Variants in PPP4R3B observed in about 807,000 individuals in gnomAD.
The protein encoded by PPP4R3B is serine/threonine-protein phosphatase 4 regulatory subunit 3B.
Under a neutral mutation model 95.4 loss-of-function variants are expected in PPP4R3B, and 52 were observed. The observed-to-expected ratio is 0.54, with a 90% confidence interval of 0.44 to 0.69. The LOEUF (loss-of-function observed/expected upper bound fraction) is 0.69, where lower values mean the gene tolerates loss of function less well. Among genes scored for constraint, PPP4R3B ranks in the 30% least tolerant of loss-of-function variants. PPP4R3B has a pLI of 0.00. For synonymous variants in PPP4R3B, 407 were observed against 343.9 expected, an observed-to-expected ratio of 1.18 and a Z score of -2.03; for missense variants, 1,003 against 1,005.9, an observed-to-expected ratio of 1.00 and a Z score of 0.04.
intron 2 of PPP4R3B, among the ~76,000 whole-genome samples, chr2:55,610,671 T>C (rs527663009): frequency 2.6e-4 from 40 of 152,344 alleles, no homozygotes; most frequent in Middle Eastern, 3.4e-3. Flanking sequence ...TTTCTGTACC[T>C]TTGTTGCCTC....
intron 12 of PPP4R3B, among the ~76,000 whole-genome samples, chr2:55,572,855 C>G (rs4290693): frequency 0.45 from 67,779 of 151,874 alleles, 15,978 homozygotes; most frequent in Non-Finnish European, 0.52. Flanking sequence ...AAGAGCCATA[C>G]TATAAAATCT....
Position 55,549,941 on chromosome 2 carries a change from GGAC to G in PPP4R3B, c.2517_2519del (p.Ser840del), listed in dbSNP as rs563944037. The G allele has an allele frequency of 5.4e-4, 865 of 1,613,250 alleles. 8 individuals are homozygous for G. In the South Asian group the frequency reaches 8.9e-3, roughly 17 times the overall value. On this transcript the variant is annotated inframe_deletion, in exon 17 of 17. Transcript: ENST00000616407. ...AGCCAAGACGAGGTCTTTTCCTGGG[GGAC>G]GATTCTTCTTCTTCATCTTCCTCTT...
At position 55,573,719 on chromosome 2, in the gene PPP4R3B, C is replaced by A; in HGVS notation, c.1665G>T (p.Val555=). The change falls in exon 12 of 17, where the codon GTG becomes GTT. Residue 555 remains valine (V), a synonymous_variant. Coordinates refer to ENST00000616407, the MANE Select transcript of PPP4R3B (RefSeq NM_001122964.3). ...TTTTTATGTGATATGTGTGATGTTC[C>A]ACACAAAATGTGAGTAACTCTAAAA... ...ALILELLTFC[V]EHHTYHIKNY... is the part of the protein sequence containing the mutation. The A allele has an allele frequency of 1.9e-6, 3 of 1,543,040 alleles. No homozygotes were observed. The highest frequency in any genetic ancestry group is 2.6e-6 in the Non-Finnish European group (3 of 1,144,452).
chr2:55,577,807 C>A (rs1688886364), intron 10 of PPP4R3B, among the ~76,000 whole-genome samples: 1 of 151,636 alleles, frequency 6.6e-6, no homozygotes, highest in African/African-American at 2.4e-5. Context: ...TGTGTTTATG[C>A]TTTAAATTAA....
At chr2:55,584,053 C>A (rs533752386) in intron 7 of PPP4R3B, among the ~76,000 whole-genome samples, 2 of 152,086 alleles carry the variant, frequency 1.3e-5, no homozygotes, top group East Asian at 3.9e-4. Flanking sequence ...CAAAAATACA[C>A]AGTTAGCCAG....
At position 55,586,746 on chromosome 2, in the gene PPP4R3B, G is replaced by A; in HGVS notation, c.1000-12C>T. On this transcript the variant is annotated splice_polypyrimidine_tract_variant and intron_variant, in intron 5 of 16. Transcript: ENST00000616407. ...TTGAAAAAATTAACCTGTAATGTCA[G>A]AAATTTTAGTGAGACATTGATAAAC... 6.6e-7 allele frequency: 1 copy of A among 1,509,982 alleles called. No homozygotes were observed. The highest frequency in any genetic ancestry group is 9.1e-7 in the Non-Finnish European group (1 of 1,095,414). 93.5% of individuals were successfully genotyped at this position (1,509,982 alleles called of 1,614,324 possible).
Position 55,573,820 on chromosome 2 carries a change from T to C in PPP4R3B, c.1607-43A>G, listed in dbSNP as rs539295893. 3.5e-5 allele frequency: 44 copies of C among 1,254,020 alleles called. No homozygotes were observed. In the South Asian group the frequency reaches 6.6e-4, roughly 19 times the overall value. The allele number at this position is 1,254,020 out of a possible 1,614,324, so 77.7% of individuals were successfully genotyped here. ...CTCATGAAAATAAATATTGAATATATCTAAATAAAGAATAAATAAAGCTTA... is the reference window on the plus strand; with the variant it reads ...CTCATGAAAATAAATATTGAATATACCTAAATAAAGAATAAATAAAGCTTA... On this transcript the variant is annotated intron_variant, in intron 11 of 16. Transcript: ENST00000616407.
At chr2:55,559,743 A>T (rs1300195736) in intron 15 of PPP4R3B, among the ~76,000 whole-genome samples, 1 of 152,218 alleles carries the variant, frequency 6.6e-6, no homozygotes, top group Non-Finnish European at 1.5e-5. Flanking sequence ...TTCTTCATAA[A>T]TTACAGTCTC....
intron 4 of PPP4R3B, among the ~76,000 whole-genome samples, chr2:55,596,028 G>C (rs1455790465): frequency 6.6e-6 from 1 of 152,130 alleles, no homozygotes; most frequent in African/African-American, 2.4e-5. Context: ...GATAAATATA[G>C]TATAAAACTC....
chr2:55,579,553 A>C (rs755993588), intron 9 of PPP4R3B, 126 bp downstream of exon 9: 4 of 486,060 alleles, frequency 8.2e-6, no homozygotes, highest in Non-Finnish European at 1.4e-5. Flanking sequence ...TTTATATTGC[A>C]GTTTAAGTTT....
At chr2:55,579,931 G>GA (rs1470107191) in intron 8 of PPP4R3B, 150 bp from the exon 9 acceptor site, 2 of 405,288 alleles carry the variant, frequency 4.9e-6, no homozygotes, top group East Asian at 3.7e-5. Context: ...AAAATACTGT[G>GA]AAAAAAATCA....
chr2:55,558,713 A>G lies in PPP4R3B; in HGVS notation c.2454+62T>C, dbSNP rs138947724. 7.0e-6 allele frequency: 9 copies of G among 1,283,052 alleles called. No homozygotes were observed. The East Asian group carries it at 1.8e-4, about 26-fold the overall frequency. The allele number at this position is 1,283,052 out of a possible 1,614,324, so 79.5% of individuals were successfully genotyped here. A position where few individuals can be genotyped will look rare whatever the true frequency, so the allele number is the denominator to read the frequency against. ...TTTGATTATCCAAATTTTTTTCAGT[A>G]AACATGAAAAAATCTCACAGACGGG... is the stretch of plus-strand genomic sequence containing the variant. On this transcript the variant is annotated intron_variant, in intron 16 of 16. Coordinates refer to ENST00000616407, the MANE Select transcript of PPP4R3B (RefSeq NM_001122964.3).
Position 55,549,938 on chromosome 2 carries a change from G to A in PPP4R3B, c.2523C>T (p.Pro841=), listed in dbSNP as rs778595417. The A allele has an allele frequency of 1.9e-5, 30 of 1,613,428 alleles. No individual in the cohort carries two copies. The highest frequency in any genetic ancestry group is 1.3e-5 in the African/African-American group (1 of 75,002). Residue 841 remains proline, a synonymous_variant, in exon 17 of 17, where the codon CCC becomes CCT. Coordinates refer to ENST00000616407, the MANE Select transcript of PPP4R3B (RefSeq NM_001122964.3). ...EEEDEEEESS[P]RKRPRLGS ...ATGAGCCAAGACGAGGTCTTTTCCT[G>A]GGGGACGATTCTTCTTCTTCATCTT...
chr2:55,558,866 C>T lies in PPP4R3B; in HGVS notation c.2363G>A (p.Ser788Asn). Residue 788 changes from serine (S) to asparagine (N), a missense_variant, in exon 16 of 17, where the codon AGT becomes AAT. By Grantham distance (46) the Ser-to-Asn change is conservative. This residue lies in a region of PPP4R3B where 229 missense variants were observed against 194.7 expected (regional missense o/e 1.18). Transcript: ENST00000616407. ...TGGTATCTGAGCCACTACAGATTTA[C>T]TGTTTGTTCCATTAGCAGCACTGGC... ...HSASAANGTN[S>N]KSVVAQIPPA... 1 of 1,614,072 alleles carries T rather than the reference C, an allele frequency of 6.2e-7. No individual in the cohort carries two copies. Among genetic ancestry groups the T allele is most frequent in the Middle Eastern group, 1.6e-4 (1 of 6,062 alleles).
chr2:55,579,019 G>C (rs1689079904), intron 9 of PPP4R3B, among the ~76,000 whole-genome samples: 1 of 151,936 alleles, frequency 6.6e-6, no homozygotes, highest in Admixed American at 6.6e-5. Context: ...TTTAAAAATT[G>C]CCTCCAAATT....
intron 2 of PPP4R3B, among the ~76,000 whole-genome samples, chr2:55,604,795 G>GACACACACACACAC (rs3069140): frequency 6.7e-6 from 1 of 149,800 alleles, no homozygotes; most frequent in Non-Finnish European, 1.5e-5. Context: ...ATAAAACATA[G>GACACACACACACAC]ACACACACAC....
chr2:55,604,616 C>G (rs541721632), intron 2 of PPP4R3B, among the ~76,000 whole-genome samples: 1 of 152,072 alleles, frequency 6.6e-6, no homozygotes, highest in African/African-American at 2.4e-5. Context: ...ACAAGTGCTA[C>G]CAACAGCACC....
chr2:55,549,136 T>C lies in PPP4R3B; in HGVS notation c.*775A>G, dbSNP rs1304387152. 3.9e-5 allele frequency: 6 copies of C among 152,284 alleles called. No homozygotes were observed. Among genetic ancestry groups the C allele is most frequent in the Non-Finnish European group, 5.9e-5 (4 of 68,048 alleles). 9.4% of individuals were successfully genotyped at this position (152,284 alleles called of 1,614,324 possible). ...CACAAAAGATTGTACTGGTAGGCGGTTGACAACATTCTGTTCGATCTACTT... is the reference window on the plus strand; with the variant it reads ...CACAAAAGATTGTACTGGTAGGCGGCTGACAACATTCTGTTCGATCTACTT... On this transcript the variant is annotated 3_prime_UTR_variant, in exon 17 of 17. Coordinates refer to ENST00000616407, the MANE Select transcript of PPP4R3B (RefSeq NM_001122964.3).
chr2:55,594,150 G>C (rs921686640), intron 4 of PPP4R3B, among the ~76,000 whole-genome samples: 1 of 152,062 alleles, frequency 6.6e-6, no homozygotes, highest in African/African-American at 2.4e-5. Flanking sequence ...CTCCAAAAAG[G>C]GGTAGGATGG....
Sources: allele counts gnomAD v4.1 joint callset (sites outside exome capture counted in the v4.1 genomes callset), GRCh38; gene constraint gnomAD v4.1.1; regional missense constraint gnomAD v4.1.1; transcripts MANE v1.5; gene names NCBI Gene and HGNC (gene_info 2026-07-23, HGNC 2026-07-21).